The following CYP4V2 variants were observed in gnomAD, a reference collection of about 807,000 sequenced individuals.
CYP4V2 encodes the protein cytochrome P450 4V2.
A neutral mutation model predicts 60.8 loss-of-function variants in CYP4V2; 55 were observed. The observed-to-expected ratio is 0.90, with a 90% CI of 0.73 to 1.13. CYP4V2 has a LOEUF of 1.13. Ranked by LOEUF, CYP4V2 falls within the 50% of genes most tolerant of loss-of-function variation. The pLI is 0.00. For synonymous variants in CYP4V2, 239 were observed against 236.8 expected (o/e 1.01, Z -0.08); for missense variants, 675 against 662.9 (o/e 1.02, Z -0.20).
At position 186,197,300 on chromosome 4, in the gene CYP4V2, G is replaced by T. The variant is rs544363983; in HGVS notation, c.604+170G>T. The T allele has an allele frequency of 7.2e-5, 66 of 914,072 alleles. No individual in the cohort carries two copies. The Admixed American group carries it at 1.4e-3, about 19-fold the overall frequency. The allele number at this position is 914,072 out of a possible 1,614,324, so 56.6% of individuals were successfully genotyped here. On this transcript the variant is annotated intron_variant, in intron 4 of 10. Transcript: ENST00000378802. ...CTGAGGAGCAGCAGCCACGCCCAGG[G>T]CTGTGAGTGGGGCAGGCATGGAGCA...
Position 186,197,532 on chromosome 4 carries a change from G to T in CYP4V2, c.605-1G>T. ...GGTTGCTTCTCACCCATATTTTATA[G>T]AAACAGCTATGGGGAAGAATATTGG... On this transcript the variant is annotated splice_acceptor_variant, in intron 4 of 10. Transcript: ENST00000378802. LOFTEE classifies it high-confidence loss of function. 1 of 1,614,176 alleles carries T rather than the reference G, an allele frequency of 6.2e-7. No individual in the cohort carries two copies. The highest frequency in any genetic ancestry group is 8.5e-7 in the Non-Finnish European group (1 of 1,180,000).
intron 7 of CYP4V2, chr4:186,202,943 C>T (rs1386518755): frequency 5.3e-5 from 8 of 151,810 alleles, no homozygotes; most frequent in Non-Finnish European, 1.2e-4. Flanking sequence ...CATACACATA[C>T]ATGCACACAC....
intron 1 of CYP4V2, 99 bp downstream of exon 1, chr4:186,192,136 G>T: frequency 7.0e-7 from 1 of 1,436,372 alleles, no homozygotes; most frequent in Non-Finnish European, 9.5e-7. Flanking sequence ...CTGGCCGCAG[G>T]AGAGAGGAGC....
chr4:186,200,486 A>G (rs1030354754), intron 6 of CYP4V2, among the ~76,000 whole-genome samples: 6 of 152,246 alleles, frequency 3.9e-5, no homozygotes, highest in African/African-American at 1.4e-4. Context: ...AATAAGTATA[A>G]CGTAAGTATA....
In CYP4V2 at chr4:186,209,188, C is replaced by A; in HGVS notation, c.1321C>A (p.Pro441Thr). Reference protein sequence around the residue: ...RYFPNPEEFQPERFFPENAQG... With the variant: ...RYFPNPEEFQTERFFPENAQG... ...CTTCCCCAACCCCGAGGAGTTCCAG[C>A]CTGAGCGGTTCTTCCCCGAGAATGC... is the stretch of plus-strand genomic sequence containing the variant. Residue 441 changes from proline to threonine, a missense_variant, in exon 10 of 11, where the codon CCT (proline) becomes ACT (threonine). Pro to Thr is a conservative substitution (Grantham distance 38). Coordinates refer to ENST00000378802, the MANE Select transcript of CYP4V2 (RefSeq NM_207352.4). The A allele has an allele frequency of 6.2e-7, 1 of 1,614,114 alleles. No individual in the cohort carries two copies. Among genetic ancestry groups the A allele is most frequent in the Non-Finnish European group, 8.5e-7 (1 of 1,180,028 alleles).
intron 8 of CYP4V2, among the ~76,000 whole-genome samples, chr4:186,206,484 C>G (rs1160923809): frequency 6.6e-6 from 1 of 152,090 alleles, no homozygotes; most frequent in Non-Finnish European, 1.5e-5. Flanking sequence ...ATATGGCCCC[C>G]AATAGCTGCA....
rs1276423730 is a variant in CYP4V2 at position 186,212,652 on chromosome 4, A to G, written c.*2011A>G. ...GCTTTTGGAACTGGAAGGACCTTAG[A>G]ACTTATCTGTTATGCTCCTGATAGC... On this transcript the variant is annotated 3_prime_UTR_variant, in exon 11 of 11. Coordinates refer to ENST00000378802, the MANE Select transcript of CYP4V2 (RefSeq NM_207352.4). 6.6e-6 allele frequency: 1 copy of G among 152,248 alleles called. No homozygotes were observed. Among genetic ancestry groups the G allele is most frequent in the East Asian group, 1.9e-4 (1 of 5,206 alleles). The allele number at this position is 152,248 out of a possible 1,614,324, so 9.4% of individuals were successfully genotyped here.
chr4:186,198,606 G>C (rs778134450), intron 5 of CYP4V2, among the ~76,000 whole-genome samples: 15 of 152,170 alleles, frequency 9.9e-5, no homozygotes, highest in Non-Finnish European at 1.9e-4. Context: ...TCAGACCAAT[G>C]ATGGACCTTA....
chr4:186,197,380 C>CT, intron 4 of CYP4V2, 153 bp from the exon 5 acceptor site: 1 of 897,254 alleles, frequency 1.1e-6, no homozygotes, highest in East Asian at 2.6e-5. Flanking sequence ...AGAAGTGGAC[C>CT]GTACAAGAGA....
intron 3 of CYP4V2, 40 bp from the exon 4 acceptor site, chr4:186,196,900 C>A: frequency 6.8e-7 from 1 of 1,480,910 alleles, no homozygotes; most frequent in South Asian, 1.1e-5. Context: ...CTCTCTCTCT[C>A]TGTAGATATA....
In CYP4V2 at chr4:186,192,178, C is replaced by T. The variant is rs972643992; in HGVS notation, c.214+141C>T. ...CCCTGTGGAGAATGCACTCCCAGTTCTAGTCGTTGCCCCTTGGCACCCGCC... is the reference window on the plus strand; with the variant it reads ...CCCTGTGGAGAATGCACTCCCAGTTTTAGTCGTTGCCCCTTGGCACCCGCC... On this transcript the variant is annotated intron_variant, in intron 1 of 10. Transcript: ENST00000378802. 5 of 1,142,494 alleles carry T rather than the reference C, an allele frequency of 4.4e-6. No homozygotes were observed. The African/African-American group carries it at 7.6e-5, about 17-fold the overall frequency. 70.8% of individuals were successfully genotyped at this position (1,142,494 alleles called of 1,614,324 possible).
At chr4:186,196,515 A>G (rs1736150954) in intron 3 of CYP4V2, 1 of 301,430 alleles carries the variant, frequency 3.3e-6, no homozygotes, top group Non-Finnish European at 6.3e-6. Flanking sequence ...CACAAGAGCA[A>G]GGCAGGAGCC....
rs61748269 is a variant in CYP4V2, at chr4:186,208,861, T to A, written c.1091-4T>A. 2.1e-3 allele frequency: 3,349 copies of A among 1,614,224 alleles called. 64 individuals are homozygous for A. The African/African-American group carries it at 0.04, about 19-fold the overall frequency. ...AGGTCATCTTATCTACTTGCTTTCA[T>A]CAGGGAAGTCTGACCGTCCCGCTAC... On this transcript the variant is annotated splice_polypyrimidine_tract_variant and splice_region_variant and intron_variant, in intron 8 of 10. Coordinates refer to ENST00000378802, the MANE Select transcript of CYP4V2 (RefSeq NM_207352.4).
chr4:186,200,513 ATAAG>A (rs2126588714), intron 6 of CYP4V2, among the ~76,000 whole-genome samples: 1 of 152,368 alleles, frequency 6.6e-6, no homozygotes, highest in African/African-American at 2.4e-5. Flanking sequence ...CATTATAATA[ATAAG>A]TATGACAGAA....
At chr4:186,198,595 G>A (rs1267908528) in intron 5 of CYP4V2, among the ~76,000 whole-genome samples, 2 of 152,152 alleles carry the variant, frequency 1.3e-5, no homozygotes, top group African/African-American at 4.8e-5. Context: ...CAGAGGAGTG[G>A]TCAGACCAAT....
At chr4:186,200,587 C>T (rs938355325) in intron 6 of CYP4V2, among the ~76,000 whole-genome samples, 1 of 152,080 alleles carries the variant, frequency 6.6e-6, no homozygotes, top group Admixed American at 6.6e-5. Flanking sequence ...GGAGGCGTCG[C>T]AGTGCTAGGG....
At chr4:186,199,123 A>G in intron 6 of CYP4V2, 40 bp downstream of exon 6, 1 of 1,598,672 alleles carries the variant, frequency 6.3e-7, no homozygotes, top group Non-Finnish European at 8.6e-7. Flanking sequence ...AAATAGACAT[A>G]ACATAAAATT....
chr4:186,206,420 A>G (rs1736508746), intron 8 of CYP4V2, among the ~76,000 whole-genome samples: 3 of 152,222 alleles, frequency 2.0e-5, no homozygotes, highest in African/African-American at 7.2e-5. Context: ...GCCCATTATC[A>G]GTCTGCCACA....
Position 186,207,918 on chromosome 4 carries a change from A to T in CYP4V2, c.1091-947A>T, listed in dbSNP as rs561124732. ...GTGACCTTTAGTGTCTGTTTATTTTACTTGGCACATTGTCCATTTTATTTT... is the reference window on the plus strand; with the variant it reads ...GTGACCTTTAGTGTCTGTTTATTTTTCTTGGCACATTGTCCATTTTATTTT... On this transcript the variant is annotated intron_variant, in intron 8 of 10. Transcript: ENST00000378802. 4.6e-5 allele frequency among the ~76,000 whole-genome samples: 7 copies of T among 152,296 alleles called. No homozygotes were observed. The East Asian group carries it at 1.3e-3, about 29-fold the overall frequency.
Sources: allele counts gnomAD v4.1 joint callset (sites outside exome capture counted in the v4.1 genomes callset), GRCh38; gene constraint gnomAD v4.1.1; transcripts MANE v1.5; gene names NCBI Gene and HGNC (gene_info 2026-07-23, HGNC 2026-07-21).